CNTNAP2: variants seen among roughly 807,000 people sequenced by gnomAD.
CNTNAP2 encodes the protein contactin associated protein 2.
CNTNAP2 carries 98 observed loss-of-function variants against 155.2 expected under a neutral mutation model. The observed-to-expected ratio is 0.63, with a 90% CI of 0.54 to 0.75. The LOEUF is 0.75. Among genes scored for constraint, CNTNAP2 ranks in the 30% least tolerant of loss-of-function variants. CNTNAP2 has a pLI of 0.00. For synonymous variants in CNTNAP2, 651 were observed against 631.2 expected (o/e 1.03, Z -0.47); for missense variants, 1,727 against 1,688.1 (o/e 1.02, Z -0.40).
At chr7:147,591,507 T>A (rs147415111) in intron 12 of CNTNAP2, among the ~76,000 whole-genome samples, 220 of 152,282 alleles carry the variant, frequency 1.4e-3, no homozygotes, top group African/African-American at 4.9e-3. Context: ...CTTCCACATA[T>A]AAATTTTGAG....
chr7:146,210,511 C>A (rs1799017773), intron 1 of CNTNAP2, among the ~76,000 whole-genome samples: 1 of 152,092 alleles, frequency 6.6e-6, no homozygotes, highest in South Asian at 2.1e-4. Flanking sequence ...ACAATATGGA[C>A]CAGGCTGGTT....
intron 21 of CNTNAP2, among the ~76,000 whole-genome samples, chr7:148,346,644 C>T (rs1450569724): frequency 1.3e-5 from 2 of 151,620 alleles, no homozygotes; most frequent in Admixed American, 6.6e-5. Context: ...TGGTGGCAGG[C>T]ACCTATAATC....
chr7:147,548,256 C>T (rs942634620), intron 11 of CNTNAP2, among the ~76,000 whole-genome samples: 1 of 152,186 alleles, frequency 6.6e-6, no homozygotes, highest in Non-Finnish European at 1.5e-5. Context: ...TCCACAGCCT[C>T]ACCAGCATCT....
chr7:147,159,118 CACA>C (rs1369451743), intron 8 of CNTNAP2, among the ~76,000 whole-genome samples: 3 of 152,054 alleles, frequency 2.0e-5, no homozygotes, highest in South Asian at 2.1e-4. Flanking sequence ...TATGAAACTG[CACA>C]ACATCTTCGG....
At chr7:147,646,603 T>C (rs1795368137) in intron 13 of CNTNAP2, among the ~76,000 whole-genome samples, 1 of 151,998 alleles carries the variant, frequency 6.6e-6, no homozygotes, top group South Asian at 2.1e-4. Flanking sequence ...TTTTTCCTCA[T>C]GCAAAGCCTC....
rs749787455 is a variant in CNTNAP2 at position 146,753,467 on chromosome 7, A to G, written c.98-20804A>G. Among the ~76,000 whole-genome samples the G allele has an allele frequency of 2.6e-5, 4 of 152,126 alleles. No homozygotes were observed. The East Asian group carries it at 7.7e-4, about 29-fold the overall frequency. ...CATTATAGAATTTAACCAACTGTGT[A>G]TGAAAGTTTAGATGATATTAACATG... On this transcript the variant is annotated intron_variant, in intron 1 of 23. Transcript: ENST00000361727.
At chr7:147,444,350 T>C (rs1797694099) in intron 10 of CNTNAP2, among the ~76,000 whole-genome samples, 1 of 152,140 alleles carries the variant, frequency 6.6e-6, no homozygotes. Flanking sequence ...TTGGCATAGG[T>C]TTAAAATAAT....
Position 147,558,716 on chromosome 7 carries a change from CCTTCCTTCCTTCCTTCCTTCCTTCCTTT to C in CNTNAP2, c.1778-3410_1778-3383del, listed in dbSNP as rs869259722. ...TCGTTCTTTCCTTCCTTCCTTCCTT[CCTTCCTTCCTTCCTTCCTTCCTTCCTTT>C]CTTCCTTCCTTTCTTTGAGATGGAG... On this transcript the variant is annotated intron_variant, in intron 11 of 23. Coordinates refer to ENST00000361727, the MANE Select transcript of CNTNAP2 (RefSeq NM_014141.6). Among the ~76,000 whole-genome samples, 8 of 44,766 alleles carry C rather than the reference CCTTCCTTCCTTCCTTCCTTCCTTCCTTT, an allele frequency of 1.8e-4. No individual in the cohort carries two copies. In the East Asian group the frequency reaches 8.9e-3, roughly 50 times the overall value. The allele number at this position is 44,766 out of a possible 152,430, so 29.4% of individuals were successfully genotyped here.
At chr7:147,177,480 C>T (rs543771296) in intron 8 of CNTNAP2, among the ~76,000 whole-genome samples, 1 of 152,082 alleles carries the variant, frequency 6.6e-6, no homozygotes, top group Non-Finnish European at 1.5e-5. Flanking sequence ...AACTGTGAGT[C>T]CATTAAACCT....
rs781574808 is a variant in CNTNAP2 at position 147,562,145 on chromosome 7, C to T, written c.1785C>T (p.Tyr595=). 9.9e-6 allele frequency: 16 copies of T among 1,613,810 alleles called. No individual in the cohort carries two copies. The highest frequency in any genetic ancestry group is 2.7e-5 in the African/African-American group (2 of 74,926). The change falls in exon 12 of 24, where the codon TAC becomes TAT. Residue 595 remains tyrosine, a synonymous_variant. Transcript: ENST00000361727. The stretch of plus-strand genomic sequence containing the variant: ...ATATTTTGTTTGTTCTAGCTATCTA[C>T]GAGCCTTCCTGTGAAGCCTACAAAC... ...YSGATCHNSI[Y]EPSCEAYKHL...
intron 15 of CNTNAP2, among the ~76,000 whole-genome samples, chr7:148,088,182 C>A (rs955096409): frequency 6.6e-6 from 1 of 151,954 alleles, no homozygotes; most frequent in Non-Finnish European, 1.5e-5. Flanking sequence ...TTTCCCACCT[C>A]CAATGAATTA....
At chr7:146,422,673 A>G (rs1474253921) in intron 1 of CNTNAP2, among the ~76,000 whole-genome samples, 1 of 152,026 alleles carries the variant, frequency 6.6e-6, no homozygotes, top group Non-Finnish European at 1.5e-5. Flanking sequence ...TTTGGTAGAG[A>G]CAAGGTCTTT....
intron 8 of CNTNAP2, among the ~76,000 whole-genome samples, chr7:147,292,287 CA>C (rs1805331484): frequency 6.6e-6 from 1 of 152,076 alleles, no homozygotes; most frequent in South Asian, 2.1e-4. Context: ...TTGTAAAAGA[CA>C]CTTTTCATTC....
chr7:146,955,499 G>T (rs1317079657), intron 3 of CNTNAP2, among the ~76,000 whole-genome samples: 2 of 151,854 alleles, frequency 1.3e-5, no homozygotes, highest in Admixed American at 1.3e-4. Flanking sequence ...TATAAATTTT[G>T]AGCTCCTTGC....
At position 147,207,060 on chromosome 7, in the gene CNTNAP2, G is replaced by C. The variant is rs575542844; in HGVS notation, c.1348+74551G>C. ...ATACACCTGCCCACTGCAGTCCCTA[G>C]AGCAATAGTGACTTCCTTCACTCCA... is the stretch of plus-strand genomic sequence containing the variant. On this transcript the variant is annotated intron_variant, in intron 8 of 23. Coordinates refer to ENST00000361727, the MANE Select transcript of CNTNAP2 (RefSeq NM_014141.6). 3.3e-5 allele frequency among the ~76,000 whole-genome samples: 5 copies of C among 152,238 alleles called. No homozygotes were observed. The South Asian group carries it at 1.0e-3, about 32-fold the overall frequency.
At chr7:147,827,708 G>T (rs1798477984) in intron 13 of CNTNAP2, among the ~76,000 whole-genome samples, 1 of 152,122 alleles carries the variant, frequency 6.6e-6, no homozygotes, top group Non-Finnish European at 1.5e-5. Context: ...TGTAGTGCTG[G>T]CTATAGTCTC....
At chr7:147,433,134 G>T (rs955402877) in intron 10 of CNTNAP2, among the ~76,000 whole-genome samples, 2 of 152,170 alleles carry the variant, frequency 1.3e-5, no homozygotes, top group African/African-American at 2.4e-5. Context: ...GTGGCCATCC[G>T]CAGAGTGCTG....
intron 1 of CNTNAP2, among the ~76,000 whole-genome samples, chr7:146,257,179 A>G (rs1799852422): frequency 6.6e-6 from 1 of 152,184 alleles, no homozygotes; most frequent in Non-Finnish European, 1.5e-5. Context: ...GCTGTAAGAG[A>G]GTGAAGTCTA....
chr7:147,114,873 G>A (rs1800954267), intron 5 of CNTNAP2, among the ~76,000 whole-genome samples: 1 of 152,104 alleles, frequency 6.6e-6, no homozygotes, highest in African/African-American at 2.4e-5. Flanking sequence ...TGGTTAGTTT[G>A]CAGGCTTGTT....
Sources: allele counts gnomAD v4.1 joint callset (sites outside exome capture counted in the v4.1 genomes callset), GRCh38; gene constraint gnomAD v4.1.1; transcripts MANE v1.5; gene names NCBI Gene and HGNC (gene_info 2026-07-23, HGNC 2026-07-21).